The following CRACD variants were observed in gnomAD, a reference collection of about 807,000 sequenced individuals.
The protein encoded by CRACD is capping protein-inhibiting regulator of actin dynamics.
Under a neutral mutation model 106.8 loss-of-function variants are expected in CRACD, and 56 were observed. That is an observed-to-expected ratio of 0.52 (90% CI 0.42 to 0.66). The LOEUF is 0.66. Ranked by LOEUF, CRACD falls within the 30% of genes least tolerant of loss-of-function variation. CRACD has a pLI of 0.00. For missense variants in CRACD, 1,730 were observed against 1,623.2 expected (o/e 1.07, Z -1.13); for synonymous variants, 754 against 670.8 (o/e 1.12, Z -1.92).
chr4:56,291,627 T>C (rs1347284861), intron 3 of CRACD, among the ~76,000 whole-genome samples: 1 of 152,168 alleles, frequency 6.6e-6, no homozygotes, highest in East Asian at 1.9e-4. Flanking sequence ...TAATATTAGA[T>C]TTAATATTAT....
intron 3 of CRACD, 148 bp from the exon 4 acceptor site, chr4:56,298,066 C>A: frequency 1.2e-6 from 1 of 811,524 alleles, no homozygotes; most frequent in Non-Finnish European, 1.9e-6. Context: ...CTTGGCTGAC[C>A]CCCAGCAGAC....
intron 3 of CRACD, among the ~76,000 whole-genome samples, chr4:56,290,724 A>G (rs1425877538): frequency 6.6e-6 from 1 of 152,222 alleles, no homozygotes; most frequent in Admixed American, 6.5e-5. Context: ...CAGTTAAAAC[A>G]TCTCAGCCAT....
chr4:56,315,894 T>G lies in CRACD; in HGVS notation c.2392T>G (p.Phe798Val). 6.2e-7 allele frequency: 1 copy of G among 1,614,068 alleles called. No individual in the cohort carries two copies. The highest frequency in any genetic ancestry group is 8.5e-7 in the Non-Finnish European group (1 of 1,179,994). The change falls in exon 8 of 11, where the codon TTC (phenylalanine) becomes GTC (valine). Residue 798 changes from phenylalanine to valine, a missense_variant. Phe to Val is a conservative substitution (Grantham distance 50, BLOSUM62 -1). Coordinates refer to ENST00000682029, the MANE Select transcript of CRACD (RefSeq NM_001393381.1). This position sits in a 1 kb window ranked among gnomAD's most constrained non-coding sequence, Gnocchi z 4.1. The part of the protein sequence containing the change: ...GCKFAKDLPS[F>V]LVPSLPYPPQ... ...CAAATTTGCCAAAGACCTCCCGTCT[T>G]TCCTTGTCCCAAGCCTTCCTTACCC... is the stretch of plus-strand genomic sequence containing the variant.
intron 2 of CRACD, among the ~76,000 whole-genome samples, chr4:56,180,213 C>T (rs984845859): frequency 2.5e-4 from 38 of 152,004 alleles, no homozygotes; most frequent in African/African-American, 8.9e-4. Context: ...TCATATCAGC[C>T]GGGCACGTTG....
At chr4:56,319,484 G>T (rs1468373213) in intron 8 of CRACD, among the ~76,000 whole-genome samples, 1 of 151,700 alleles carries the variant, frequency 6.6e-6, no homozygotes, top group East Asian at 1.9e-4. Context: ...CACACCTGTG[G>T]TCCCATCTAC....
intron 2 of CRACD, among the ~76,000 whole-genome samples, chr4:56,264,436 A>G (rs74891703): frequency 0.014 from 1,931 of 140,630 alleles, 21 homozygotes; most frequent in Middle Eastern, 0.026. Context: ...AACCACATAT[A>G]CCACATATAC....
chr4:56,242,915 C>T (rs775071069), intron 2 of CRACD, among the ~76,000 whole-genome samples: 2 of 152,078 alleles, frequency 1.3e-5, no homozygotes, highest in East Asian at 1.9e-4. Context: ...AGCAGCCTGG[C>T]GCACCAGGTA....
intron 2 of CRACD, among the ~76,000 whole-genome samples, chr4:56,263,349 G>A (rs1741816002): frequency 6.6e-6 from 1 of 152,192 alleles, no homozygotes; most frequent in Admixed American, 6.5e-5. Context: ...CTATAACATG[G>A]TGTATTAGTT....
chr4:56,225,353 C>T (rs576222294), intron 2 of CRACD, among the ~76,000 whole-genome samples: 37 of 152,294 alleles, frequency 2.4e-4, no homozygotes, highest in Non-Finnish European at 4.6e-4. Flanking sequence ...CTAGGCCTCC[C>T]AAAGTGCTGG....
At chr4:56,182,829 T>C (rs1183816951) in intron 2 of CRACD, among the ~76,000 whole-genome samples, 1 of 151,692 alleles carries the variant, frequency 6.6e-6, no homozygotes, top group Non-Finnish European at 1.5e-5. Flanking sequence ...TGGAATTAAA[T>C]GATTTTTTCT....
intron 8 of CRACD, among the ~76,000 whole-genome samples, chr4:56,320,534 G>A (rs1223336345): frequency 6.6e-6 from 1 of 152,176 alleles, no homozygotes; most frequent in Admixed American, 6.5e-5. Context: ...CATTTACAAA[G>A]TTATTTGCAT....
chr4:56,146,022 T>C (rs1422538035), intron 1 of CRACD, among the ~76,000 whole-genome samples: 1 of 152,196 alleles, frequency 6.6e-6, no homozygotes, highest in Non-Finnish European at 1.5e-5. Flanking sequence ...AAGGTTGTTT[T>C]AAGGAATGTT....
chr4:56,256,570 A>G (rs1741370415), intron 2 of CRACD, among the ~76,000 whole-genome samples: 1 of 152,208 alleles, frequency 6.6e-6, no homozygotes, highest in Admixed American at 6.5e-5. Context: ...GCCTACTGTG[A>G]ACTGGGCATT....
chr4:56,076,649 T>G (rs1732849762), intron 1 of CRACD, among the ~76,000 whole-genome samples: 2 of 152,224 alleles, frequency 1.3e-5, no homozygotes, highest in African/African-American at 4.8e-5. Context: ...TCCCTACCCC[T>G]GCATGCCACC....
intron 1 of CRACD, among the ~76,000 whole-genome samples, chr4:56,129,188 C>A (rs1386387995): frequency 6.6e-6 from 1 of 152,154 alleles, no homozygotes; most frequent in Admixed American, 6.5e-5. Flanking sequence ...CAATCCTCCC[C>A]CCTCAGCCTC....
Position 56,323,357 on chromosome 4 carries a change from C to G in CRACD, c.3188-20C>G. 1.3e-6 allele frequency: 2 copies of G among 1,582,650 alleles called. No homozygotes were observed. Among genetic ancestry groups the G allele is most frequent in the East Asian group, 2.3e-5 (1 of 44,288 alleles). On this transcript the variant is annotated intron_variant, in intron 8 of 10. Coordinates refer to ENST00000682029, the MANE Select transcript of CRACD (RefSeq NM_001393381.1). Reference sequence around the variant, plus strand: ...GCAGTTAAGTTCATTGCAAACCGTTCTTTGTCTTATTCCCCACAGAGAAGC... The same window carrying G: ...GCAGTTAAGTTCATTGCAAACCGTTGTTTGTCTTATTCCCCACAGAGAAGC...
intron 1 of CRACD, among the ~76,000 whole-genome samples, chr4:56,140,046 T>G (rs777128119): frequency 6.6e-6 from 1 of 152,240 alleles, no homozygotes; most frequent in Non-Finnish European, 1.5e-5. Context: ...TAGTTTTGTC[T>G]TACTATATGT....
intron 1 of CRACD, among the ~76,000 whole-genome samples, chr4:56,114,601 A>G (rs974362757): frequency 6.6e-6 from 1 of 152,142 alleles, no homozygotes; most frequent in Non-Finnish European, 1.5e-5. Flanking sequence ...TTCTTTTAAA[A>G]TAACTTTCCT....
chr4:56,140,702 G>A (rs1377413134), intron 1 of CRACD, among the ~76,000 whole-genome samples: 1 of 152,068 alleles, frequency 6.6e-6, no homozygotes, highest in Non-Finnish European at 1.5e-5. Flanking sequence ...CATTGCACAG[G>A]GCCAGTTCTT....
Sources: gnomAD v4.1 joint callset for allele counts (sites outside exome capture counted in the v4.1 genomes callset) on GRCh38, gnomAD v4.1.1 for gene constraint, Gnocchi (gnomAD v3.1) non-coding constraint, MANE v1.5 for transcripts, NCBI Gene and HGNC (gene_info 2026-07-23, HGNC 2026-07-21) for gene names.